BCL7B: variants seen among roughly 807,000 people sequenced by gnomAD.
BCL7B encodes BAF chromatin remodeling complex subunit BCL7B, also known as B-cell CLL/lymphoma 7 protein family member B.
In BCL7B, 11 loss-of-function variants were observed where a neutral mutation model predicts 26.5. The observed-to-expected ratio is 0.42, with a 90% confidence interval of 0.26 to 0.69. BCL7B has a LOEUF of 0.69. BCL7B is among the 30% of genes least tolerant of loss of function. The pLI is 0.28. For synonymous variants in BCL7B, 111 were observed against 107.9 expected (o/e 1.03, Z -0.18); for missense variants, 215 against 264.4 (o/e 0.81, Z 1.30).
chr7:73,546,149 A>G (rs1438028856), intron 2 of BCL7B, among the ~76,000 whole-genome samples: 4 of 149,612 alleles, frequency 2.7e-5, no homozygotes, highest in African/African-American at 9.8e-5. Context: ...AAAAAAAAAA[A>G]GAAAGAAAAA....
intron 3 of BCL7B, among the ~76,000 whole-genome samples, chr7:73,543,323 C>T (rs373044794): frequency 1.3e-5 from 2 of 151,944 alleles, no homozygotes; most frequent in Non-Finnish European, 2.9e-5. Flanking sequence ...ATTACAGGCA[C>T]GCGCCACCAC....
At chr7:73,556,110 C>T (rs1554584685) in intron 1 of BCL7B, among the ~76,000 whole-genome samples, 1 of 152,124 alleles carries the variant, frequency 6.6e-6, no homozygotes, top group Non-Finnish European at 1.5e-5. Context: ...TCACCAAAAC[C>T]TCGGAGGATT....
At chr7:73,553,703 G>A (rs564156407) in intron 1 of BCL7B, 1 of 154,328 alleles carries the variant, frequency 6.5e-6, no homozygotes, top group Admixed American at 6.6e-5. Flanking sequence ...CTAGTCTAAA[G>A]AAATTTTTAA....
At chr7:73,537,563 CCA>C (rs1791588724) in intron 5 of BCL7B, among the ~76,000 whole-genome samples, 173 bp from the exon 6 acceptor site, 3 of 152,282 alleles carry the variant, frequency 2.0e-5, no homozygotes, top group African/African-American at 4.8e-5. Context: ...AACCCCACAT[CCA>C]CAGTCTTTCC....
Sources: allele counts gnomAD v4.1 joint callset (sites outside exome capture counted in the v4.1 genomes callset), GRCh38; gene constraint gnomAD v4.1.1; transcripts MANE v1.5; gene names NCBI Gene and HGNC (gene_info 2026-07-23, HGNC 2026-07-21).